The following HS6ST2 variants were observed in gnomAD, a reference collection of about 807,000 sequenced individuals.
HS6ST2 encodes heparan-sulfate 6-O-sulfotransferase 2.
A neutral mutation model predicts 33.0 loss-of-function variants in HS6ST2; 17 were observed. That is an observed-to-expected ratio of 0.52 (90% CI 0.35 to 0.77). The LOEUF is 0.77. HS6ST2 is among the 30% of genes least tolerant of loss of function. The probability of loss-of-function intolerance (pLI) is 0.01; values close to 1 mark genes in which losing one functional copy is unlikely to be tolerated. For synonymous variants in HS6ST2, 248 were observed against 237.1 expected (o/e 1.05, Z -0.42); for missense variants, 519 against 551.7 (o/e 0.94, Z 0.59).
At chrX:132,845,961 A>G (rs778085631) in intron 2 of HS6ST2, among the ~76,000 whole-genome samples, 13 of 112,058 alleles carry the variant, frequency 1.2e-4, no homozygotes, top group African/African-American at 3.2e-4. Context: ...TAAATATTTT[A>G]GGCTTTGTGG....
intron 3 of HS6ST2, among the ~76,000 whole-genome samples, chrX:132,679,758 G>T (rs1470356583): frequency 9.2e-6 from 1 of 108,324 alleles, no homozygotes; most frequent in East Asian, 3.0e-4. Flanking sequence ...CGCCTGGGGG[G>T]GGGCCAGTTC....
chrX:132,933,021 T>C (rs1204371514), intron 2 of HS6ST2, among the ~76,000 whole-genome samples: 1 of 108,890 alleles, frequency 9.2e-6, no homozygotes, highest in Non-Finnish European at 1.9e-5. Context: ...AAAAGAATAA[T>C]TGAAATTACA....
At position 132,956,882 on chromosome X, in the gene HS6ST2, G is replaced by A. The variant is rs1481487079; in HGVS notation, c.873C>T (p.Ala291=). The part of the protein sequence containing the change: ...FSTGWSCGLH[A]DWTELTSCVP... The stretch of plus-strand genomic sequence containing the variant: ...CACAGCTGGTGAGCTCGGTCCAGTC[G>A]GCGTGCAACCCGCAGCTCCAGCCCG... The change falls in exon 2 of 5, where the codon GCC becomes GCT. Residue 291 remains alanine, a synonymous_variant. Coordinates refer to ENST00000370833, the MANE Select transcript of HS6ST2 (RefSeq NM_001394073.1). 3 of 1,190,928 alleles carry A rather than the reference G, an allele frequency of 2.5e-6. No homozygotes were observed. Among genetic ancestry groups the A allele is most frequent in the Non-Finnish European group, 3.4e-6 (3 of 884,952 alleles).
chrX:132,937,202 C>T (rs999023956), intron 2 of HS6ST2, among the ~76,000 whole-genome samples: 1 of 111,279 alleles, frequency 9.0e-6, no homozygotes, highest in African/African-American at 3.3e-5. Flanking sequence ...GAAGAAGACA[C>T]AAAAAAGGAA....
chrX:132,633,620 C>G (rs954997025), intron 4 of HS6ST2, among the ~76,000 whole-genome samples: 1 of 111,034 alleles, frequency 9.0e-6, no homozygotes, highest in African/African-American at 3.3e-5. Flanking sequence ...ACTCAGAGAG[C>G]AACCTGGGCT....
chrX:132,765,626 T>C (rs1258128959), intron 2 of HS6ST2, among the ~76,000 whole-genome samples: 5 of 110,717 alleles, frequency 4.5e-5, no homozygotes, highest in African/African-American at 1.6e-4. Context: ...CCAGCTAATG[T>C]TTTTTGTAAA....
chrX:132,704,881 C>A (rs1158589317), intron 3 of HS6ST2, among the ~76,000 whole-genome samples: 1 of 111,972 alleles, frequency 8.9e-6, no homozygotes, highest in African/African-American at 3.2e-5. Context: ...AAGCTAGATT[C>A]CTCCATCTGC....
chrX:132,759,455 T>C (rs1305644518), intron 2 of HS6ST2, among the ~76,000 whole-genome samples: 1 of 111,173 alleles, frequency 9.0e-6, no homozygotes, highest in Non-Finnish European at 1.9e-5. Context: ...ACTTCTCAGA[T>C]TTATGGAATG....
chrX:132,807,303 T>G (rs1450893917), intron 2 of HS6ST2, among the ~76,000 whole-genome samples: 1 of 110,693 alleles, frequency 9.0e-6, no homozygotes, highest in African/African-American at 3.2e-5. Context: ...CATGAACTAG[T>G]GGGCCTGAGA....
At position 132,657,567 on chromosome X, in the gene HS6ST2, C is replaced by T. The variant is rs1338724595; in HGVS notation, c.1067+11546G>A. 4.6e-5 allele frequency among the ~76,000 whole-genome samples: 5 copies of T among 109,216 alleles called. No homozygotes were observed. In the East Asian group the frequency reaches 1.5e-3, roughly 32 times the overall value. 94.8% of individuals were successfully genotyped at this position (109,216 alleles called of 115,157 possible). A position where few individuals can be genotyped will look rare whatever the true frequency, so the allele number is the denominator to read the frequency against. The stretch of plus-strand genomic sequence containing the variant: ...TTTTCCCCCCAAAGTTACTGAAAAC[C>T]ACCATGAAGTATGTTTTTGTAATTA... On this transcript the variant is annotated intron_variant, in intron 4 of 4. Transcript: ENST00000370833.
At chrX:132,880,372 C>G (rs188599116) in intron 2 of HS6ST2, among the ~76,000 whole-genome samples, 1 of 109,692 alleles carries the variant, frequency 9.1e-6, no homozygotes, top group Non-Finnish European at 1.9e-5. Context: ...ACTGTCTCTC[C>G]TAAAAATACA....
chrX:132,678,852 A>G (rs758554928), intron 3 of HS6ST2, among the ~76,000 whole-genome samples: 2 of 112,321 alleles, frequency 1.8e-5, no homozygotes, highest in African/African-American at 6.5e-5. Context: ...TAAACGCTAA[A>G]CCTTGTATAA....
intron 2 of HS6ST2, among the ~76,000 whole-genome samples, chrX:132,904,811 A>G (rs1436852695): frequency 1.8e-5 from 2 of 109,390 alleles, no homozygotes; most frequent in African/African-American, 6.7e-5. Flanking sequence ...TACAGGTGTG[A>G]GCAACCACAG....
At chrX:132,637,878 A>ATATATATAATATTTTATATATAATAT (rs2063569987) in intron 4 of HS6ST2, among the ~76,000 whole-genome samples, 4 of 43,071 alleles carry the variant, frequency 9.3e-5, no homozygotes, top group Non-Finnish European at 1.3e-4. Context: ...TATATATAAT[A>ATATATATAATATTTTATATATAATAT]TATATATAAT....
chrX:132,903,027 G>C (rs911847764), intron 2 of HS6ST2, among the ~76,000 whole-genome samples: 6 of 111,596 alleles, frequency 5.4e-5, no homozygotes, highest in Non-Finnish European at 1.1e-4. Flanking sequence ...CAGATGACAT[G>C]ATCTTGTATA....
chrX:132,869,029 G>A (rs1324707180), intron 2 of HS6ST2, among the ~76,000 whole-genome samples: 1 of 108,031 alleles, frequency 9.3e-6, no homozygotes, highest in African/African-American at 3.4e-5. Context: ...ATAGATAGAA[G>A]GCTAGCCAGA....
intron 2 of HS6ST2, among the ~76,000 whole-genome samples, chrX:132,780,519 T>A (rs963910637): frequency 9.0e-6 from 1 of 111,177 alleles, no homozygotes; most frequent in African/African-American, 3.3e-5. Context: ...ACATTGAGTC[T>A]CAGTTAGATC....
chrX:132,895,399 A>G (rs1236110416), intron 2 of HS6ST2, among the ~76,000 whole-genome samples: 1 of 111,690 alleles, frequency 9.0e-6, no homozygotes, highest in Non-Finnish European at 1.9e-5. Flanking sequence ...CACGGAAATC[A>G]TTCTAAAATG....
chrX:132,825,242 T>C (rs1177869261), intron 2 of HS6ST2, among the ~76,000 whole-genome samples: 1 of 111,467 alleles, frequency 9.0e-6, no homozygotes, highest in Non-Finnish European at 1.9e-5. Flanking sequence ...TACTGGGGTA[T>C]ACGAGGAGAG....
Sources: gnomAD v4.1 joint callset for allele counts (sites outside exome capture counted in the v4.1 genomes callset) on GRCh38, gnomAD v4.1.1 for gene constraint, MANE v1.5 for transcripts, NCBI Gene and HGNC (gene_info 2026-07-23, HGNC 2026-07-21) for gene names.